Variants in MTCL2 observed in about 807,000 individuals in gnomAD.
The protein encoded by MTCL2 is microtubule cross-linking factor 2.
the MTCL2 span, chr20:36,784,539 C>T: frequency 8.1e-6 from 8 of 985,380 alleles, no homozygotes; most frequent in South Asian, 4.7e-5. Flanking sequence ...CAAGCTGATC[C>T]ATCCTGGTGT....
the MTCL2 span, among the ~76,000 whole-genome samples, chr20:36,824,359 C>T: frequency 6.6e-6 from 1 of 152,236 alleles, no homozygotes; most frequent in African/African-American, 2.4e-5. Context: ...GGTCCTGCTA[C>T]ATTCTTCAAC....
chr20:36,848,693 G>A, the MTCL2 span, among the ~76,000 whole-genome samples: 1 of 152,222 alleles, frequency 6.6e-6, no homozygotes, highest in Admixed American at 6.5e-5. Flanking sequence ...AGGACTCAAA[G>A]TCCAACCACC....
chr20:36,819,621 A>G, the MTCL2 span, among the ~76,000 whole-genome samples: 2 of 152,086 alleles, frequency 1.3e-5, no homozygotes, highest in Non-Finnish European at 2.9e-5. Flanking sequence ...AAAAAAAAAA[A>G]AAAAAAGAAA....
the MTCL2 span, chr20:36,778,086 A>G: frequency 4.9e-6 from 2 of 405,182 alleles, no homozygotes; most frequent in Non-Finnish European, 8.7e-6. Context: ...CTTTTGTAAA[A>G]CCAAGACAAG....
chr20:36,859,500 C>A, the MTCL2 span: 9 of 966,868 alleles, frequency 9.3e-6, no homozygotes, highest in Non-Finnish European at 1.2e-5. Flanking sequence ...TTCCACAAAC[C>A]CTCTATCTTT....
the MTCL2 span, among the ~76,000 whole-genome samples, chr20:36,788,511 G>A: frequency 6.6e-6 from 1 of 151,916 alleles, no homozygotes; most frequent in Non-Finnish European, 1.5e-5. Flanking sequence ...GGTGGCAGGT[G>A]CCTGTAGTCC....
At chr20:36,815,962 G>T in the MTCL2 span, 1 of 1,613,326 alleles carries the variant, frequency 6.2e-7, no homozygotes, top group Non-Finnish European at 8.5e-7. The surrounding 1 kb of genome is among the most constrained non-coding windows in gnomAD (Gnocchi z 5.3). Context: ...AAGGCCAGGC[G>T]TGCCTCAGGA....
chr20:36,863,153 G>C, the MTCL2 span: 3 of 1,365,666 alleles, frequency 2.2e-6, no homozygotes, highest in Non-Finnish European at 2.8e-6. The surrounding 1 kb of genome is among the most constrained non-coding windows in gnomAD (Gnocchi z 6.2). Flanking sequence ...AGGAGAACGC[G>C]GCGCTGCAGG....
the MTCL2 span, among the ~76,000 whole-genome samples, chr20:36,820,798 C>T: frequency 5.9e-5 from 9 of 151,772 alleles, no homozygotes; most frequent in African/African-American, 1.7e-4. Context: ...GCCGAGATCA[C>T]ACCACTGCAC....
At chr20:36,862,618 G>A in the MTCL2 span, 6 of 1,462,420 alleles carry the variant, frequency 4.1e-6, no homozygotes, top group Non-Finnish European at 4.5e-6. Context: ...GTGACAGCCG[G>A]CGACCCCTGC....
At chr20:36,797,628 C>T in the MTCL2 span, 8 of 1,508,258 alleles carry the variant, frequency 5.3e-6, no homozygotes, top group African/African-American at 1.4e-5. Flanking sequence ...TATGCAGGAC[C>T]CTGCTCTAAG....
chr20:36,788,102 G>A, the MTCL2 span, among the ~76,000 whole-genome samples: 1 of 148,972 alleles, frequency 6.7e-6, no homozygotes, highest in African/African-American at 2.5e-5. Flanking sequence ...TTGGGAGACC[G>A]AAGCAGCAGA....
chr20:36,813,752 C>CAA, the MTCL2 span, among the ~76,000 whole-genome samples: 5,158 of 64,750 alleles, frequency 0.08, 571 homozygotes, highest in East Asian at 0.12. Flanking sequence ...GACTCTGTCT[C>CAA]AAAAAAAAAA....
chr20:36,857,936 T>C, the MTCL2 span, among the ~76,000 whole-genome samples: 4 of 152,130 alleles, frequency 2.6e-5, no homozygotes, highest in South Asian at 4.1e-4. Context: ...TTGTCCCCCA[T>C]GTTACAGAAG....
chr20:36,786,241 GT>G, the MTCL2 span: 2 of 1,178,180 alleles, frequency 1.7e-6, no homozygotes, highest in Admixed American at 7.5e-5. Flanking sequence ...GGAAGCCCAG[GT>G]TTGGTCTCTC....
the MTCL2 span, chr20:36,779,490 G>C: frequency 6.6e-6 from 1 of 152,448 alleles, no homozygotes; most frequent in African/African-American, 2.4e-5. Flanking sequence ...TGGGGCTGCT[G>C]CTGGCAGGCT....
chr20:36,801,703 T>C, the MTCL2 span, among the ~76,000 whole-genome samples: 3 of 152,182 alleles, frequency 2.0e-5, no homozygotes, highest in Non-Finnish European at 2.9e-5. Context: ...CGGTGGTTCA[T>C]GCCTGTAATC....
the MTCL2 span, chr20:36,786,780 T>C: frequency 1.4e-6 from 1 of 718,832 alleles, no homozygotes; most frequent in Non-Finnish European, 2.2e-6. Context: ...ACTGGACCAA[T>C]TTTTTCTTTC....
At chr20:36,800,838 C>T in the MTCL2 span, among the ~76,000 whole-genome samples, 2 of 152,144 alleles carry the variant, frequency 1.3e-5, no homozygotes, top group African/African-American at 4.8e-5. Context: ...GCAAAAAGGG[C>T]CTTCTTGTCC....
Sources: gnomAD v4.1 joint callset for allele counts (sites outside exome capture counted in the v4.1 genomes callset) on GRCh38, gnomAD v4.1.1 for gene constraint, Gnocchi (gnomAD v3.1) non-coding constraint, MANE v1.5 for transcripts, NCBI Gene and HGNC (gene_info 2026-07-23, HGNC 2026-07-21) for gene names.